SND1: variants seen among roughly 807,000 people sequenced by gnomAD.
SND1 encodes staphylococcal nuclease domain-containing protein 1.
In SND1, 38 loss-of-function variants were observed where a neutral mutation model predicts 121.7. That is an observed-to-expected ratio of 0.31 (90% CI 0.24 to 0.41). SND1 has a LOEUF of 0.41. Ranked by LOEUF, SND1 falls within the 10% of genes least tolerant of loss-of-function variation. The pLI, the probability that SND1 is intolerant of heterozygous loss-of-function variation, is 1.00. For synonymous variants in SND1, 401 were observed against 447.4 expected (o/e 0.90, Z 1.31); for missense variants, 868 against 1,184.6 (o/e 0.73, Z 3.92).
intron 16 of SND1, among the ~76,000 whole-genome samples, chr7:128,007,756 T>C (rs558661310): frequency 1.9e-4 from 29 of 152,340 alleles, no homozygotes; most frequent in Admixed American, 6.5e-4. Context: ...CCAAAGAGCA[T>C]TGAGTGCAAA....
chr7:127,964,115 T>C (rs1416364753), intron 15 of SND1, among the ~76,000 whole-genome samples: 1 of 148,818 alleles, frequency 6.7e-6, no homozygotes. Context: ...GTTTTTTTCT[T>C]GTAAATTTGT....
intron 11 of SND1, among the ~76,000 whole-genome samples, chr7:127,815,011 T>G (rs1798406300): frequency 6.6e-6 from 1 of 152,224 alleles, no homozygotes; most frequent in Non-Finnish European, 1.5e-5. Context: ...TGAAAGAAAT[T>G]ATTTTTATTG....
intron 10 of SND1, among the ~76,000 whole-genome samples, chr7:127,793,430 G>C (rs1797951150): frequency 6.6e-6 from 1 of 152,192 alleles, no homozygotes. Flanking sequence ...TGTGCAAGCA[G>C]ATAGCACCAC....
chr7:127,826,797 A>G (rs1798650452), intron 11 of SND1, among the ~76,000 whole-genome samples: 1 of 152,222 alleles, frequency 6.6e-6, no homozygotes, highest in Non-Finnish European at 1.5e-5. Context: ...TAGATCAGCA[A>G]GAGGTATAGC....
At chr7:127,671,457 G>T (rs960848162) in intron 1 of SND1, among the ~76,000 whole-genome samples, 1 of 152,104 alleles carries the variant, frequency 6.6e-6, no homozygotes, top group Non-Finnish European at 1.5e-5. Flanking sequence ...TTCATCAACT[G>T]ATCAATACCT....
rs1184530034 is a variant in SND1, at chr7:127,775,578, A to G, written c.1153-31906A>G. 2.6e-5 allele frequency among the ~76,000 whole-genome samples: 4 copies of G among 152,056 alleles called. No homozygotes were observed. The South Asian group carries it at 8.3e-4, about 32-fold the overall frequency. ...ATTGTTGTACAACGTTTCGTTTCAT[A>G]CTTTACACCTGGGAGCACCCTGGTT... is the stretch of plus-strand genomic sequence containing the variant. On this transcript the variant is annotated intron_variant, in intron 10 of 23. Transcript: ENST00000354725.
intron 13 of SND1, among the ~76,000 whole-genome samples, chr7:127,900,411 G>A (rs933882880): frequency 6.6e-6 from 1 of 152,160 alleles, no homozygotes; most frequent in Non-Finnish European, 1.5e-5. Flanking sequence ...GGAGAGCATT[G>A]GTCTTGAGAT....
At chr7:128,056,405 CT>C (rs1793142989) in intron 16 of SND1, among the ~76,000 whole-genome samples, 2 of 152,204 alleles carry the variant, frequency 1.3e-5, no homozygotes. Flanking sequence ...AAAAAAGGGC[CT>C]TGTTTCTCTG....
chr7:127,760,705 A>G (rs1797289575), intron 10 of SND1, among the ~76,000 whole-genome samples: 1 of 152,168 alleles, frequency 6.6e-6, no homozygotes, highest in Non-Finnish European at 1.5e-5. Context: ...CATTAAGGGA[A>G]GAGCCTCCAC....
intron 17 of SND1, among the ~76,000 whole-genome samples, chr7:128,078,345 C>T (rs940092610): frequency 1.3e-5 from 2 of 152,260 alleles, no homozygotes; most frequent in Non-Finnish European, 2.9e-5. Flanking sequence ...TCAGCCTCTC[C>T]TAGAAACACA....
chr7:127,738,286 CTTTTTTTTT>C (rs889082580), intron 10 of SND1, among the ~76,000 whole-genome samples: 1 of 122,662 alleles, frequency 8.2e-6, no homozygotes, highest in African/African-American at 3.1e-5. Context: ...TTTTTTTTTT[CTTTTTTTTT>C]TTTTTTGAGA....
At chr7:127,895,731 A>G (rs987557420) in intron 13 of SND1, among the ~76,000 whole-genome samples, 4 of 152,114 alleles carry the variant, frequency 2.6e-5, no homozygotes, top group African/African-American at 9.7e-5. Flanking sequence ...AGAAAAGATG[A>G]TGCACTCAAC....
Position 127,947,709 on chromosome 7 carries a change from T to C in SND1, c.1669+18380T>C, listed in dbSNP as rs377308747. 8.5e-5 allele frequency among the ~76,000 whole-genome samples: 13 copies of C among 152,110 alleles called. No homozygotes were observed. The East Asian group carries it at 2.4e-3, about 28-fold the overall frequency. ...TTTTTTTCAACTTTGCACACTCTTATCATATTTGCAGTTCCCATCCACTCT... is the reference window on the plus strand; with the variant it reads ...TTTTTTTCAACTTTGCACACTCTTACCATATTTGCAGTTCCCATCCACTCT... On this transcript the variant is annotated intron_variant, in intron 15 of 23. Transcript: ENST00000354725.
intron 16 of SND1, chr7:127,997,914 C>T (rs1347405127): frequency 1.9e-6 from 1 of 534,674 alleles, no homozygotes; most frequent in Non-Finnish European, 3.8e-6. Flanking sequence ...CCTTGCTCTC[C>T]CAGGCTAGAT....
At chr7:127,728,157 A>T (rs1796614951) in intron 10 of SND1, among the ~76,000 whole-genome samples, 1 of 152,040 alleles carries the variant, frequency 6.6e-6, no homozygotes, top group Non-Finnish European at 1.5e-5. Flanking sequence ...TCTCCCCATT[A>T]CAAATTATAT....
chr7:127,853,295 G>A lies in SND1; in HGVS notation c.1343+8871G>A, dbSNP rs1799208712. ...CACGTCCATCTAAACTTCTTCCCGT[G>A]TTAAATTAAGGGACAGCTTTAGTAG... On this transcript the variant is annotated intron_variant, in intron 12 of 23. Coordinates refer to ENST00000354725, the MANE Select transcript of SND1 (RefSeq NM_014390.4). Among the ~76,000 whole-genome samples, 3 of 152,274 alleles carry A rather than the reference G, an allele frequency of 2.0e-5. 1 individual carries two copies. In the South Asian group the frequency reaches 6.2e-4, roughly 32 times the overall value.
intron 13 of SND1, among the ~76,000 whole-genome samples, chr7:127,897,856 TTA>T (rs1398075884): frequency 2.0e-5 from 3 of 152,116 alleles, no homozygotes; most frequent in Non-Finnish European, 4.4e-5. Context: ...TGAAATAGGA[TTA>T]TGAGTCATTG....
intron 10 of SND1, among the ~76,000 whole-genome samples, chr7:127,762,791 G>A (rs1797328885): frequency 6.6e-6 from 1 of 152,196 alleles, no homozygotes; most frequent in African/African-American, 2.4e-5. Context: ...TCAGTTAGTA[G>A]CTGTTACAGG....
At chr7:128,074,421 C>T (rs1029783159) in intron 16 of SND1, 81 bp from the exon 17 acceptor site, 10 of 1,415,922 alleles carry the variant, frequency 7.1e-6, no homozygotes, top group Admixed American at 4.4e-5. Context: ...AAGGCTTCGG[C>T]GCTGCTGTCC....
Sources: gnomAD v4.1 joint callset for allele counts (sites outside exome capture counted in the v4.1 genomes callset) on GRCh38, gnomAD v4.1.1 for gene constraint, MANE v1.5 for transcripts, NCBI Gene and HGNC (gene_info 2026-07-23, HGNC 2026-07-21) for gene names.